SORL1: variants seen among roughly 807,000 people sequenced by gnomAD.
The protein encoded by SORL1 is sortilin related receptor 1, also known as sortilin-related receptor.
SORL1 carries 127 observed loss-of-function variants against 273.7 expected under a neutral mutation model. The ratio of observed to expected loss-of-function variants is 0.46; its 90% CI spans 0.40 to 0.54. SORL1 has a LOEUF of 0.54. Among genes scored for constraint, SORL1 ranks in the 20% least tolerant of loss-of-function variants. The pLI, the probability that SORL1 is intolerant of heterozygous loss-of-function variation, is 0.00. For missense variants in SORL1, 2,494 were observed against 2,846.1 expected (o/e 0.88, Z 2.81); for synonymous variants, 1,031 against 1,067.4 (o/e 0.97, Z 0.66).
At chr11:121,542,396 T>G (rs752271827) in intron 12 of SORL1, among the ~76,000 whole-genome samples, 1 of 152,234 alleles carries the variant, frequency 6.6e-6, no homozygotes, top group Non-Finnish European at 1.5e-5. Context: ...TATACTCCTT[T>G]AGTCTTTTAA....
intron 6 of SORL1, among the ~76,000 whole-genome samples, chr11:121,509,375 C>T (rs138291058): frequency 6.6e-6 from 1 of 152,276 alleles, no homozygotes; most frequent in East Asian, 1.9e-4. Flanking sequence ...TTCCTTTACT[C>T]CTCTTTTCTC....
chr11:121,593,637 G>A (rs907775782), intron 31 of SORL1, among the ~76,000 whole-genome samples: 1 of 149,040 alleles, frequency 6.7e-6, no homozygotes, highest in Non-Finnish European at 1.5e-5. Context: ...TTTGGGTGGA[G>A]TGCATCCTTC....
chr11:121,522,949 A>G lies in SORL1; in HGVS notation c.1556A>G (p.Asn519Ser). 6.2e-7 allele frequency: 1 copy of G among 1,614,042 alleles called. No homozygotes were observed. Among genetic ancestry groups the G allele is most frequent in the Admixed American group, 1.7e-5 (1 of 60,034 alleles). Reference sequence around the variant, plus strand: ...GGAAAGAACTTGGCTAGCAAGACAAACGTGTACATCTCTAGCAGTGCTGGA... The same window carrying G: ...GGAAAGAACTTGGCTAGCAAGACAAGCGTGTACATCTCTAGCAGTGCTGGA... ...SVGKNLASKT[N>S]VYISSSAGAR... is the part of the protein sequence containing the mutation. Residue 519 changes from asparagine (N) to serine (S), a missense_variant, in exon 11 of 48, where the codon AAC (asparagine) becomes AGC (serine). This residue lies in a region of SORL1 where 710 missense variants were observed against 882.5 expected (regional missense o/e 0.80). Coordinates refer to ENST00000260197, the MANE Select transcript of SORL1 (RefSeq NM_003105.6).
chr11:121,577,339 C>T lies in SORL1; in HGVS notation c.3519C>T (p.Ser1173=). 1 of 1,613,702 alleles carries T rather than the reference C, an allele frequency of 6.2e-7. No individual in the cohort carries two copies. The highest frequency in any genetic ancestry group is 8.5e-7 in the Non-Finnish European group (1 of 1,179,764). ...YNCSSGMCIR[S]SWVCDGDNDC... ...GCAGTTCCGGCATGTGCATCCGCTC[C>T]TCCTGGGTATGTGACGGGGACAACG... The change falls in exon 25 of 48, where the codon TCC becomes TCT. Residue 1173 remains serine, a synonymous_variant. Transcript: ENST00000260197.
At chr11:121,479,297 C>T (rs1044702174) in intron 3 of SORL1, among the ~76,000 whole-genome samples, 1 of 152,134 alleles carries the variant, frequency 6.6e-6, no homozygotes, top group African/African-American at 2.4e-5. Flanking sequence ...AGTTGTATTT[C>T]GTTGCTTTCT....
intron 34 of SORL1, 78 bp from the exon 35 acceptor site, chr11:121,605,324 A>G (rs1863452764): frequency 1.1e-5 from 17 of 1,576,976 alleles, no homozygotes; most frequent in Non-Finnish European, 1.5e-5. Context: ...GGCATGCACC[A>G]TGCTATTAAC....
chr11:121,454,990 C>G (rs1591540721), intron 1 of SORL1, among the ~76,000 whole-genome samples: 1 of 152,132 alleles, frequency 6.6e-6, no homozygotes, highest in Non-Finnish European at 1.5e-5. Context: ...CTACTTTTAG[C>G]CTTAAGCCAA....
intron 9 of SORL1, 132 bp from the exon 10 acceptor site, chr11:121,522,454 A>G (rs1453955352): frequency 1.6e-5 from 11 of 702,854 alleles, no homozygotes; most frequent in Non-Finnish European, 2.8e-5. Context: ...CTGGGCTGTG[A>G]GTCTGGTTTC....
At chr11:121,547,697 G>A (rs1056325069) in intron 14 of SORL1, among the ~76,000 whole-genome samples, 3 of 152,022 alleles carry the variant, frequency 2.0e-5, no homozygotes, top group Non-Finnish European at 2.9e-5. Context: ...ATGGATGTCA[G>A]CTGTTCCCCG....
At chr11:121,546,802 G>A (rs1387352429) in intron 14 of SORL1, 1 of 152,154 alleles carries the variant, frequency 6.6e-6, no homozygotes, top group African/African-American at 2.4e-5. Flanking sequence ...AACCAGGTTT[G>A]GCCACTTCTG....
rs77362036 is a variant in SORL1 at position 121,595,696 on chromosome 11, G to A, written c.4443G>A (p.Pro1481=). The change falls in exon 32 of 48, where the codon CCG becomes CCA. Residue 1481 remains proline (P), a synonymous_variant. Transcript: ENST00000260197. This position sits in a 1 kb window ranked among gnomAD's most constrained non-coding sequence, Gnocchi z 5.1. ...CDRFEFECHQ[P]KTCIPNWKRC... Reference sequence around the variant, plus strand: ...GATTTGAGTTCGAATGCCACCAACCGAAGACGTGTATTCCCAACTGGAAGC... The same window carrying A: ...GATTTGAGTTCGAATGCCACCAACCAAAGACGTGTATTCCCAACTGGAAGC... 2,352 of 1,613,978 alleles carry A rather than the reference G, an allele frequency of 1.5e-3. 27 individuals carry two copies. The African/African-American group carries it at 0.025, about 17-fold the overall frequency.
At chr11:121,463,034 C>T (rs1236062632) in intron 1 of SORL1, among the ~76,000 whole-genome samples, 1 of 152,142 alleles carries the variant, frequency 6.6e-6, no homozygotes, top group Non-Finnish European at 1.5e-5. Context: ...TTTGGGCTCA[C>T]AGGGAAATCC....
chr11:121,511,791 T>C (rs532085835), intron 6 of SORL1, among the ~76,000 whole-genome samples: 2 of 152,352 alleles, frequency 1.3e-5, no homozygotes, highest in Admixed American at 6.5e-5. Context: ...ATGGGGCATG[T>C]TTGAGCACAG....
Position 121,627,712 on chromosome 11 carries a change from C to G in SORL1, c.6522C>G (p.Asn2174Lys), listed in dbSNP as rs750734730. ...AGAGCAGCTTCACCGCCTTCGCCAACAGCCACTACAGCTCCAGGCTGGGGT... is the reference window on the plus strand; with the variant it reads ...AGAGCAGCTTCACCGCCTTCGCCAAGAGCCACTACAGCTCCAGGCTGGGGT... ...RLQSSFTAFA[N>K]SHYSSRLGSA... is the part of the protein sequence containing the mutation. Residue 2174 changes from asparagine (N) to lysine (K), a missense_variant, in exon 47 of 48, where the codon AAC becomes AAG. By Grantham distance (94) the Asn-to-Lys change is moderately conservative. Coordinates refer to ENST00000260197, the MANE Select transcript of SORL1 (RefSeq NM_003105.6). The surrounding 1 kb of genome is among the most constrained non-coding windows in gnomAD (Gnocchi z 4.9). 3 of 1,614,186 alleles carry G rather than the reference C, an allele frequency of 1.9e-6. No individual in the cohort carries two copies. Among genetic ancestry groups the G allele is most frequent in the Non-Finnish European group, 2.5e-6 (3 of 1,180,034 alleles).
Position 121,488,528 on chromosome 11 carries a change from A to G in SORL1, c.690+335A>G, listed in dbSNP as rs114041705. Among the ~76,000 whole-genome samples the G allele has an allele frequency of 5.5e-3, 836 of 152,262 alleles. 7 individuals are homozygous for G. The highest frequency in any genetic ancestry group is 0.019 in the African/African-American group (804 of 41,540). ...ATCAGAGAGAGAGCCAGGTGGAGAAAGCTGGAATCTGAGCTCTTCAGGGAC... is the reference window on the plus strand; with the variant it reads ...ATCAGAGAGAGAGCCAGGTGGAGAAGGCTGGAATCTGAGCTCTTCAGGGAC... On this transcript the variant is annotated intron_variant, in intron 4 of 47. Coordinates refer to ENST00000260197, the MANE Select transcript of SORL1 (RefSeq NM_003105.6).
chr11:121,488,298 CCTT>C (rs1259581888), intron 4 of SORL1, 105 bp downstream of exon 4: 5 of 1,137,658 alleles, frequency 4.4e-6, no homozygotes, highest in South Asian at 1.4e-5. Context: ...GCCTCTCCCT[CCTT>C]CTCTCTTGGG....
At chr11:121,531,891 A>T (rs950180213) in intron 11 of SORL1, among the ~76,000 whole-genome samples, 1 of 152,190 alleles carries the variant, frequency 6.6e-6, no homozygotes, top group Admixed American at 6.5e-5. Flanking sequence ...TTTAGCTGTG[A>T]CTGAGACTGA....
intron 38 of SORL1, chr11:121,608,823 C>T (rs1863517085): frequency 6.6e-6 from 1 of 152,510 alleles, no homozygotes; most frequent in Non-Finnish European, 1.5e-5. Flanking sequence ...CTGCCTGACT[C>T]CAAAGCCTGT....
chr11:121,566,955 T>C lies in SORL1; in HGVS notation c.3065T>C (p.Val1022Ala). The change falls in exon 22 of 48, where the codon GTG becomes GCG. Residue 1022 changes from valine to alanine, a missense_variant. Physicochemically the swap from Val to Ala is moderately conservative, Grantham distance 64. This residue lies in a region of SORL1 where 1,609 missense variants were observed against 1,816.4 expected (regional missense o/e 0.89). Coordinates refer to ENST00000260197, the MANE Select transcript of SORL1 (RefSeq NM_003105.6). ...TTCCCTCCAGGAAGCAATGCCTGTGTGCCCAGGCCATGCAGCCTGCTGTGC... is the reference window on the plus strand; with the variant it reads ...TTCCCTCCAGGAAGCAATGCCTGTGCGCCCAGGCCATGCAGCCTGCTGTGC... ...KGKNTGSNAC[V>A]PRPCSLLCLP... 1 of 1,613,652 alleles carries C rather than the reference T, an allele frequency of 6.2e-7. No individual in the cohort carries two copies. Among genetic ancestry groups the C allele is most frequent in the Non-Finnish European group, 8.5e-7 (1 of 1,179,800 alleles).
Sources: gnomAD v4.1 joint callset for allele counts (sites outside exome capture counted in the v4.1 genomes callset) on GRCh38, gnomAD v4.1.1 for gene constraint, gnomAD v4.1.1 regional missense constraint, Gnocchi (gnomAD v3.1) non-coding constraint, MANE v1.5 for transcripts, NCBI Gene and HGNC (gene_info 2026-07-23, HGNC 2026-07-21) for gene names.